ACYP2: variants seen among roughly 807,000 people sequenced by gnomAD.
ACYP2 encodes acylphosphatase 2, also known as acylphosphatase-2.
ACYP2 carries 12 observed loss-of-function variants against 11.2 expected under a neutral mutation model. The ratio of observed to expected loss-of-function variants is 1.08; its 90% CI spans 0.69 to 1.74. The LOEUF (loss-of-function observed/expected upper bound fraction) is 1.74, where lower values mean the gene tolerates loss of function less well. Among genes scored for constraint, ACYP2 ranks in the 40% most tolerant of loss-of-function variants. ACYP2 has a pLI of 0.00. For synonymous variants in ACYP2, 43 were observed against 32.2 expected, an observed-to-expected ratio of 1.33 and a Z score of -1.13; for missense variants, 134 against 101.9, an observed-to-expected ratio of 1.31 and a Z score of -1.35.
chr2:54,000,880 C>G (rs1248352693), intron 2 of ACYP2, among the ~76,000 whole-genome samples: 1 of 152,170 alleles, frequency 6.6e-6, no homozygotes, highest in Non-Finnish European at 1.5e-5. Context: ...AAGTTATTTC[C>G]CCTTCAGTGG....
intron 6 of ACYP2, among the ~76,000 whole-genome samples, chr2:54,291,114 G>A (rs749203347): frequency 1.3e-5 from 2 of 152,174 alleles, no homozygotes; most frequent in Admixed American, 6.5e-5. Flanking sequence ...AGCTTGCTGA[G>A]GTCCCCAAAG....
At chr2:54,125,198 A>C (rs1680410444) in intron 4 of ACYP2, among the ~76,000 whole-genome samples, 1 of 152,028 alleles carries the variant, frequency 6.6e-6, no homozygotes, top group African/African-American at 2.4e-5. Context: ...TCCAACCCCA[A>C]ATCCTGTATA....
chr2:54,244,376 A>C (rs1461774372), intron 6 of ACYP2, among the ~76,000 whole-genome samples: 2 of 151,378 alleles, frequency 1.3e-5, no homozygotes, highest in Non-Finnish European at 2.9e-5. Flanking sequence ...TAATTTTTAT[A>C]TTTTTAGTAG....
chr2:54,017,951 T>C (rs908984208), intron 2 of ACYP2, among the ~76,000 whole-genome samples: 5 of 152,032 alleles, frequency 3.3e-5, no homozygotes, highest in Admixed American at 2.6e-4. Flanking sequence ...CCTGCCTCCT[T>C]GGCCTCCCAA....
intron 4 of ACYP2, among the ~76,000 whole-genome samples, chr2:54,108,873 T>G (rs1679310807): frequency 6.6e-6 from 1 of 152,226 alleles, no homozygotes; most frequent in Admixed American, 6.5e-5. Context: ...AATGATATTT[T>G]CCTTTACTTT....
intron 6 of ACYP2, among the ~76,000 whole-genome samples, chr2:54,215,285 T>C (rs1021843763): frequency 5.3e-5 from 8 of 152,162 alleles, no homozygotes; most frequent in African/African-American, 1.9e-4. Flanking sequence ...TAGTACTATG[T>C]TGAATAGGAA....
intron 2 of ACYP2, among the ~76,000 whole-genome samples, chr2:54,024,767 G>A (rs1009719971): frequency 6.6e-6 from 1 of 152,040 alleles, no homozygotes; most frequent in Non-Finnish European, 1.5e-5. Flanking sequence ...GAAATCAAGG[G>A]CATCCAATTG....
intron 4 of ACYP2, among the ~76,000 whole-genome samples, chr2:54,071,421 C>G (rs1270333088): frequency 6.6e-6 from 1 of 151,978 alleles, no homozygotes; most frequent in East Asian, 1.9e-4. Context: ...AGCTAATAAA[C>G]AAGTTTGGCA....
rs114357372 is a variant in ACYP2 at position 54,207,666 on chromosome 2, T to C, written c.404+68918T>C. On this transcript the variant is annotated intron_variant, in intron 6 of 6. Transcript: ENST00000607452. ...TAGCTAGCATTTTTACTAACTTGGA[T>C]TCAATATTTAGTGCAACTCTGCAGT... Among the ~76,000 whole-genome samples the C allele has an allele frequency of 5.8e-3, 888 of 152,322 alleles. 6 individuals carry two copies. The highest frequency in any genetic ancestry group is 0.02 in the African/African-American group (845 of 41,562).
At chr2:54,145,484 ATT>A (rs996815861) in intron 6 of ACYP2, among the ~76,000 whole-genome samples, 1 of 152,040 alleles carries the variant, frequency 6.6e-6, no homozygotes, top group Non-Finnish European at 1.5e-5. Context: ...CTCTTTTTAT[ATT>A]TTTTTATGAT....
At chr2:54,266,669 G>C (rs1255761091) in intron 6 of ACYP2, among the ~76,000 whole-genome samples, 1 of 125,390 alleles carries the variant, frequency 8.0e-6, no homozygotes, top group African/African-American at 3.0e-5. Context: ...GCAGTGGCGC[G>C]ATCTCGGCTC....
At chr2:54,125,371 G>A (rs1322141237) in intron 4 of ACYP2, among the ~76,000 whole-genome samples, 1 of 152,180 alleles carries the variant, frequency 6.6e-6, no homozygotes, top group South Asian at 2.1e-4. Flanking sequence ...AATCCTTAAA[G>A]TCTAAAATCC....
At chr2:54,098,123 T>G (rs1160576806) in intron 4 of ACYP2, among the ~76,000 whole-genome samples, 1 of 151,168 alleles carries the variant, frequency 6.6e-6, no homozygotes, top group East Asian at 1.9e-4. Flanking sequence ...CTATCATGAC[T>G]GGCTAATTTT....
intron 6 of ACYP2, among the ~76,000 whole-genome samples, chr2:54,228,586 G>A (rs1686103476): frequency 6.6e-6 from 1 of 152,100 alleles, no homozygotes; most frequent in Non-Finnish European, 1.5e-5. Context: ...ATGAATTGAT[G>A]AATTCATAAT....
intron 6 of ACYP2, among the ~76,000 whole-genome samples, chr2:54,294,372 T>C (rs1339320272): frequency 6.6e-6 from 1 of 152,086 alleles, no homozygotes; most frequent in East Asian, 1.9e-4. Flanking sequence ...TATTTTTGCT[T>C]AGTGTTAGGT....
intron 2 of ACYP2, among the ~76,000 whole-genome samples, chr2:54,011,382 T>C (rs1573513518): frequency 6.6e-6 from 1 of 152,216 alleles, no homozygotes; most frequent in Admixed American, 6.5e-5. Flanking sequence ...AGAAATAATA[T>C]TCATTGGCAC....
intron 2 of ACYP2, among the ~76,000 whole-genome samples, chr2:54,049,053 T>C (rs1234036074): frequency 6.6e-6 from 1 of 152,068 alleles, no homozygotes; most frequent in Admixed American, 6.6e-5. Flanking sequence ...GGTGGGAAGA[T>C]CACTTGAGGC....
At chr2:54,057,702 T>TTAGCATATGTATATATA (rs1676231694) in intron 4 of ACYP2, among the ~76,000 whole-genome samples, 23 of 152,300 alleles carry the variant, frequency 1.5e-4, no homozygotes, top group Middle Eastern at 6.8e-3. Context: ...TATATATATG[T>TTAGCATATGTATATATA]TGTTAGCAAA....
chr2:54,033,191 G>A (rs1005491768), intron 2 of ACYP2, among the ~76,000 whole-genome samples: 1 of 133,968 alleles, frequency 7.5e-6, no homozygotes, highest in South Asian at 2.6e-4. Context: ...AGTCGTGCCT[G>A]TGGGCAATTT....
Sources: gnomAD v4.1 joint callset for allele counts (sites outside exome capture counted in the v4.1 genomes callset) on GRCh38, gnomAD v4.1.1 for gene constraint, MANE v1.5 for transcripts, NCBI Gene and HGNC (gene_info 2026-07-23, HGNC 2026-07-21) for gene names.